Variants in SCN9A observed in about 807,000 individuals in gnomAD.
SCN9A encodes the protein sodium voltage-gated channel alpha subunit 9.
A neutral mutation model predicts 187.0 loss-of-function variants in SCN9A; 131 were observed. That is an observed-to-expected ratio of 0.70 (90% CI 0.61 to 0.81). The LOEUF (loss-of-function observed/expected upper bound fraction) is 0.81, where lower values mean the gene tolerates loss of function less well. SCN9A is among the 30% of genes least tolerant of loss of function. SCN9A has a pLI of 0.00. For missense variants in SCN9A, 2,252 were observed against 2,396.6 expected (o/e 0.94, Z 1.26); for synonymous variants, 809 against 808.6 (o/e 1.00, Z -0.01).
intron 5 of SCN9A, among the ~76,000 whole-genome samples, chr2:166,304,632 ACATTGAAAAT>A (rs1698692493): frequency 6.6e-6 from 1 of 152,126 alleles, no homozygotes; most frequent in Non-Finnish European, 1.5e-5. Context: ...TTTTTATAAA[ACATTGAAAAT>A]AGTATGCTAA....
chr2:166,291,298 G>A (rs962978370), intron 9 of SCN9A, among the ~76,000 whole-genome samples: 2 of 152,040 alleles, frequency 1.3e-5, no homozygotes, highest in Non-Finnish European at 1.5e-5. Flanking sequence ...CAAGCAGAGA[G>A]CCAAATCATG....
rs371662245 is a variant in SCN9A at position 166,272,678 on chromosome 2, T to C, written c.3072A>G (p.Ile1024Met). 4 of 1,609,986 alleles carry C rather than the reference T, an allele frequency of 2.5e-6. No individual in the cohort carries two copies. In the African/African-American group the frequency reaches 5.4e-5, roughly 22 times the overall value. The change falls in exon 17 of 27, where the codon ATA becomes ATG. Residue 1024 changes from isoleucine to methionine, a missense_variant. Around this residue, in one of 7 missense-constraint regions of SCN9A, gnomAD observed 313 missense variants for 295.3 expected, o/e 1.06. Transcript: ENST00000642356. ...TAGTATTCAGATCTTCTGCTTGTCT[T>C]ATCTCCCTGGAAATCTTTGGCTTTT... ...FSKKPKISRE[I>M]RQAEDLNTKK...
chr2:166,256,850 C>A (rs1342288257), intron 17 of SCN9A, among the ~76,000 whole-genome samples: 1 of 151,476 alleles, frequency 6.6e-6, no homozygotes, highest in Non-Finnish European at 1.5e-5. Context: ...TTCACGGAGA[C>A]CTCTTCTTTT....
At chr2:166,295,902 T>C (rs565310596) in intron 7 of SCN9A, 64 of 152,300 alleles carry the variant, frequency 4.2e-4, no homozygotes, top group African/African-American at 1.5e-3. Flanking sequence ...TTAAGGCTTG[T>C]TCCTAAGACT....
chr2:166,262,696 A>G (rs1696560726), intron 17 of SCN9A, among the ~76,000 whole-genome samples: 1 of 151,982 alleles, frequency 6.6e-6, no homozygotes, highest in Non-Finnish European at 1.5e-5. Context: ...TCCATGACTA[A>G]CCAAATCTTT....
chr2:166,372,218 G>C (rs1700582275), intron 1 of SCN9A, among the ~76,000 whole-genome samples: 1 of 152,024 alleles, frequency 6.6e-6, no homozygotes, highest in Non-Finnish European at 1.5e-5. Context: ...TCATGGATAA[G>C]CCCACATTGC....
intron 1 of SCN9A, among the ~76,000 whole-genome samples, chr2:166,355,030 T>C (rs2105304988): frequency 6.6e-6 from 1 of 152,164 alleles, no homozygotes; most frequent in Admixed American, 6.6e-5. Context: ...CCAAACCTCA[T>C]GGGCTCAAGT....
In SCN9A at chr2:166,237,073, G is replaced by A. The variant is rs528328954; in HGVS notation, c.3801+1021C>T. 3.3e-5 allele frequency among the ~76,000 whole-genome samples: 5 copies of A among 152,110 alleles called. No homozygotes were observed. In the East Asian group the frequency reaches 9.7e-4, roughly 29 times the overall value. ...GGTTTCTGAAAATCTAGAAGAATTA[G>A]TAAAAGATAAAGAACATATCATTCT... is the stretch of plus-strand genomic sequence containing the variant. On this transcript the variant is annotated intron_variant, in intron 20 of 26. Transcript: ENST00000642356.
intron 1 of SCN9A, among the ~76,000 whole-genome samples, chr2:166,324,544 T>G (rs1699318810): frequency 6.6e-6 from 1 of 152,196 alleles, no homozygotes; most frequent in Admixed American, 6.5e-5. Flanking sequence ...CATTAATTTT[T>G]AAAGCATTCT....
At chr2:166,216,227 A>G (rs1451158574) in intron 24 of SCN9A, among the ~76,000 whole-genome samples, 1 of 152,094 alleles carries the variant, frequency 6.6e-6, no homozygotes, top group East Asian at 1.9e-4. Flanking sequence ...TATGGAAGGA[A>G]TGTACCTTAA....
chr2:166,216,470 T>C (rs1694336853), intron 24 of SCN9A, among the ~76,000 whole-genome samples: 1 of 152,052 alleles, frequency 6.6e-6, no homozygotes, highest in South Asian at 2.1e-4. Context: ...ACATGATCTT[T>C]ATATGTAGAA....
At chr2:166,348,989 G>A (rs1474981537) in intron 1 of SCN9A, among the ~76,000 whole-genome samples, 3 of 152,052 alleles carry the variant, frequency 2.0e-5, no homozygotes, top group Admixed American at 6.6e-5. Context: ...TTAGCCGGGC[G>A]TGGTGGCGCG....
intron 16 of SCN9A, among the ~76,000 whole-genome samples, chr2:166,275,309 G>A (rs1159965871): frequency 6.6e-6 from 1 of 151,880 alleles, no homozygotes; most frequent in Admixed American, 6.6e-5. Flanking sequence ...GCACAGCTGG[G>A]CGCAGTAGCT....
At chr2:166,264,473 A>G (rs1322178699) in intron 17 of SCN9A, among the ~76,000 whole-genome samples, 3 of 152,006 alleles carry the variant, frequency 2.0e-5, no homozygotes, top group East Asian at 1.9e-4. Context: ...GACACTGACT[A>G]TCTCTTCAGA....
At position 166,277,354 on chromosome 2, in the gene SCN9A, A is replaced by G; in HGVS notation, c.2518-15T>C. 1 of 1,540,326 alleles carries G rather than the reference A, an allele frequency of 6.5e-7. No individual in the cohort carries two copies. Among genetic ancestry groups the G allele is most frequent in the Non-Finnish European group, 8.9e-7 (1 of 1,120,308 alleles). ...AAGACTCGGAGCTAAAAGCAAATATAAAGTTTAATGTTAATCACTATGAAA... is the reference window on the plus strand; with the variant it reads ...AAGACTCGGAGCTAAAAGCAAATATGAAGTTTAATGTTAATCACTATGAAA... On this transcript the variant is annotated splice_polypyrimidine_tract_variant and intron_variant, in intron 15 of 26. Transcript: ENST00000642356.
chr2:166,348,760 C>T (rs1215334675), intron 1 of SCN9A, among the ~76,000 whole-genome samples: 1 of 152,074 alleles, frequency 6.6e-6, no homozygotes, highest in Non-Finnish European at 1.5e-5. Flanking sequence ...GGCTATGCTC[C>T]AATAGGGCAT....
intron 1 of SCN9A, among the ~76,000 whole-genome samples, chr2:166,374,062 A>G (rs1700627027): frequency 6.6e-6 from 1 of 152,224 alleles, no homozygotes; most frequent in African/African-American, 2.4e-5. Context: ...TAGAAGCATT[A>G]CCACAGAAGG....
At chr2:166,311,072 G>A (rs1467197245) in intron 2 of SCN9A, among the ~76,000 whole-genome samples, 2 of 85,328 alleles carry the variant, frequency 2.3e-5, no homozygotes, top group African/African-American at 5.3e-5. Context: ...ACAGGAAGGG[G>A]AATATCACAC....
intron 10 of SCN9A, among the ~76,000 whole-genome samples, chr2:166,287,106 T>C (rs754712821): frequency 3.3e-5 from 5 of 152,160 alleles, no homozygotes; most frequent in Non-Finnish European, 5.9e-5. Context: ...ACTATTGGCC[T>C]AAATGAAACT....
Sources: gnomAD v4.1 joint callset for allele counts (sites outside exome capture counted in the v4.1 genomes callset) on GRCh38, gnomAD v4.1.1 for gene constraint, gnomAD v4.1.1 regional missense constraint, MANE v1.5 for transcripts, NCBI Gene and HGNC (gene_info 2026-07-23, HGNC 2026-07-21) for gene names.